DERL2: variants seen among roughly 807,000 people sequenced by gnomAD.
The protein encoded by DERL2 is derlin 2.
Under a neutral mutation model 32.0 loss-of-function variants are expected in DERL2, and 13 were observed. The observed-to-expected ratio is 0.41, with a 90% CI of 0.26 to 0.65. The LOEUF is 0.65. Ranked by LOEUF, DERL2 falls within the 30% of genes least tolerant of loss-of-function variation. The pLI, the probability that DERL2 is intolerant of heterozygous loss-of-function variation, is 0.35. For missense variants in DERL2, 208 were observed against 296.3 expected, an observed-to-expected ratio of 0.70 and a Z score of 2.19; for synonymous variants, 111 against 104.7, an observed-to-expected ratio of 1.06 and a Z score of -0.37.
chr17:5,479,496 TAAAAAAA>T (rs11306765), intron 6 of DERL2, among the ~76,000 whole-genome samples: 23 of 69,396 alleles, frequency 3.3e-4, no homozygotes, highest in Middle Eastern at 8.6e-3. Flanking sequence ...AGACTCCATG[TAAAAAAA>T]AAAAAAAAAA....
In DERL2 at chr17:5,474,105, CTGAG is replaced by C. The variant is rs1186041473; in HGVS notation, c.*575_*578del. The C allele has an allele frequency of 2.0e-5, 3 of 152,210 alleles. No homozygotes were observed. Among genetic ancestry groups the C allele is most frequent in the South Asian group, 4.1e-4 (2 of 4,836 alleles). 9.4% of individuals were successfully genotyped at this position (152,210 alleles called of 1,614,324 possible). On this transcript the variant is annotated 3_prime_UTR_variant, in exon 7 of 7. Transcript: ENST00000158771. This position sits in a 1 kb window ranked among gnomAD's most constrained non-coding sequence, Gnocchi z 4.3. ...TCATCTTCCTGCTGAATCTTGCATT[CTGAG>C]TTAGTAAGATGTACACAACCACAGC...
At chr17:5,477,249 C>T (rs1905454967) in intron 6 of DERL2, among the ~76,000 whole-genome samples, 1 of 152,034 alleles carries the variant, frequency 6.6e-6, no homozygotes, top group Admixed American at 6.6e-5. Flanking sequence ...AGCCTTATAC[C>T]AAAGAGTACA....
rs898441625 is a variant in DERL2 at position 5,471,648 on chromosome 17, G to A, written c.*3036C>T. 2 of 152,198 alleles carry A rather than the reference G, an allele frequency of 1.3e-5. No individual in the cohort carries two copies. The highest frequency in any genetic ancestry group is 2.4e-5 in the African/African-American group (1 of 41,454). The allele number at this position is 152,198 out of a possible 1,614,324, so 9.4% of individuals were successfully genotyped here. Reference sequence around the variant, plus strand: ...ATATAATGTAGGGGCTTACTAAGAAGTCACTGTGGATTTCTGAGCAGAGGA... The same window carrying A: ...ATATAATGTAGGGGCTTACTAAGAAATCACTGTGGATTTCTGAGCAGAGGA... On this transcript the variant is annotated 3_prime_UTR_variant, in exon 7 of 7. Coordinates refer to ENST00000158771, the MANE Select transcript of DERL2 (RefSeq NM_016041.5).
At chr17:5,484,028 A>G (rs562906936) in intron 2 of DERL2, among the ~76,000 whole-genome samples, 1 of 152,370 alleles carries the variant, frequency 6.6e-6, no homozygotes, top group African/African-American at 2.4e-5. Flanking sequence ...ACTGCAAAGT[A>G]AAAGTGAGAG....
At chr17:5,478,451 C>T (rs1286653266) in intron 6 of DERL2, among the ~76,000 whole-genome samples, 1 of 152,174 alleles carries the variant, frequency 6.6e-6, no homozygotes, top group Non-Finnish European at 1.5e-5. Context: ...CATCATCCTA[C>T]AACTATTCAA....
In DERL2 at chr17:5,486,163, T is replaced by C. The variant is rs1325923801; in HGVS notation, c.-2A>G. 1.2e-6 allele frequency: 2 copies of C among 1,600,226 alleles called. No homozygotes were observed. Among genetic ancestry groups the C allele is most frequent in the Non-Finnish European group, 1.7e-6 (2 of 1,173,650 alleles). Reference sequence around the variant, plus strand: ...CAGCCGCAAGCTCTGGTACGCCATCTTCCCCACCGTCGCCTGCCCCACCCC... The same window carrying C: ...CAGCCGCAAGCTCTGGTACGCCATCCTCCCCACCGTCGCCTGCCCCACCCC... On this transcript the variant is annotated 5_prime_UTR_variant, in exon 1 of 7. Coordinates refer to ENST00000158771, the MANE Select transcript of DERL2 (RefSeq NM_016041.5).
rs1419601094 is a variant in DERL2 at position 5,471,430 on chromosome 17, T to C, written c.*3254A>G. On this transcript the variant is annotated 3_prime_UTR_variant, in exon 7 of 7. Transcript: ENST00000158771. Reference sequence around the variant, plus strand: ...GCTAGGAACAGTACAAGACAATATATAATTTGGCGTTAAGAATGTCATACA... The same window carrying C: ...GCTAGGAACAGTACAAGACAATATACAATTTGGCGTTAAGAATGTCATACA... 1 of 152,198 alleles carries C rather than the reference T, an allele frequency of 6.6e-6. No individual in the cohort carries two copies. Among genetic ancestry groups the C allele is most frequent in the African/African-American group, 2.4e-5 (1 of 41,522 alleles). 9.4% of individuals were successfully genotyped at this position (152,198 alleles called of 1,614,324 possible).
chr17:5,485,623 G>C (rs1360925242), intron 1 of DERL2, among the ~76,000 whole-genome samples: 1 of 152,058 alleles, frequency 6.6e-6, no homozygotes, highest in Non-Finnish European at 1.5e-5. Flanking sequence ...GTTAGGGCTG[G>C]GTACCTCCAG....
At chr17:5,479,061 C>G (rs976686119) in intron 6 of DERL2, among the ~76,000 whole-genome samples, 7 of 152,110 alleles carry the variant, frequency 4.6e-5, no homozygotes, top group Admixed American at 2.6e-4. Flanking sequence ...TTCAAGTGAT[C>G]CGTCTGCCTT....
rs1254857102 is a variant in DERL2 at position 5,481,106 on chromosome 17, T to A, written c.327+190A>T. 1 of 627,322 alleles carries A rather than the reference T, an allele frequency of 1.6e-6. No individual in the cohort carries two copies. The highest frequency in any genetic ancestry group is 2.8e-5 in the East Asian group (1 of 35,826). 38.9% of individuals were successfully genotyped at this position (627,322 alleles called of 1,614,324 possible). A position where few individuals can be genotyped will look rare whatever the true frequency, so the allele number is the denominator to read the frequency against. On this transcript the variant is annotated intron_variant, in intron 4 of 6. Transcript: ENST00000158771. The surrounding 1 kb of genome is among the most constrained non-coding windows in gnomAD (Gnocchi z 4.4). ...GTTGCTTAACAGTAACCCACCTGGG[T>A]TAAAAGTTCCTTTGACTTGCTCATC...
At chr17:5,482,705 A>G (rs1805456) in intron 3 of DERL2, 104 bp downstream of exon 3, 85,280 of 672,710 alleles carry the variant, frequency 0.13, 7,042 homozygotes, top group African/African-American at 0.33. Context: ...CAGAAATCAT[A>G]GCTAAGATGG....
chr17:5,484,460 C>T (rs973870155), intron 2 of DERL2, among the ~76,000 whole-genome samples: 1 of 152,228 alleles, frequency 6.6e-6, no homozygotes, highest in African/African-American at 2.4e-5. Flanking sequence ...GTTGGCCAGG[C>T]TGGTCTTGAA....
At chr17:5,482,138 G>GA (rs1481060732) in intron 3 of DERL2, 2 of 152,190 alleles carry the variant, frequency 1.3e-5, no homozygotes, top group African/African-American at 2.4e-5. Context: ...ATTACGATGA[G>GA]AAAAAACTTT....
Position 5,471,443 on chromosome 17 carries a change from A to C in DERL2, c.*3241T>G, listed in dbSNP as rs765260987. Reference sequence around the variant, plus strand: ...CAAGACAATATATAATTTGGCGTTAAGAATGTCATACAGACTTGAAGCTTT... The same window carrying C: ...CAAGACAATATATAATTTGGCGTTACGAATGTCATACAGACTTGAAGCTTT... On this transcript the variant is annotated 3_prime_UTR_variant, in exon 7 of 7. Coordinates refer to ENST00000158771, the MANE Select transcript of DERL2 (RefSeq NM_016041.5). 3 of 152,236 alleles carry C rather than the reference A, an allele frequency of 2.0e-5. No individual in the cohort carries two copies. Among genetic ancestry groups the C allele is most frequent in the African/African-American group, 7.2e-5 (3 of 41,468 alleles). The allele number at this position is 152,236 out of a possible 1,614,324, so 9.4% of individuals were successfully genotyped here.
In DERL2 at chr17:5,473,395, CCTGT is replaced by C. The variant is rs1306507170; in HGVS notation, c.*1285_*1288del. On this transcript the variant is annotated 3_prime_UTR_variant, in exon 7 of 7. Coordinates refer to ENST00000158771, the MANE Select transcript of DERL2 (RefSeq NM_016041.5). ...GCATTAAGTGTCTACTTCTGTGGAC[CCTGT>C]CTAATTTCTACCTGATTGGGAAGGT... The C allele has an allele frequency of 2.6e-5, 4 of 152,074 alleles. No individual in the cohort carries two copies. Among genetic ancestry groups the C allele is most frequent in the African/African-American group, 7.2e-5 (3 of 41,462 alleles). 9.4% of individuals were successfully genotyped at this position (152,074 alleles called of 1,614,324 possible).
chr17:5,475,262 T>A (rs1045110704), intron 6 of DERL2, among the ~76,000 whole-genome samples: 14 of 151,244 alleles, frequency 9.3e-5, no homozygotes, highest in African/African-American at 2.9e-4. Context: ...AATAGAATTT[T>A]TTTTTTTTTT....
rs539685786 is a variant in DERL2 at position 5,481,852 on chromosome 17, G to A, written c.234-463C>T. Reference sequence around the variant, plus strand: ...TTTAGTAGAGAGCAGGTTTCACCATGTTGGCCAGGCTGGTCTCAAACTCCT... The same window carrying A: ...TTTAGTAGAGAGCAGGTTTCACCATATTGGCCAGGCTGGTCTCAAACTCCT... On this transcript the variant is annotated intron_variant, in intron 3 of 6. Transcript: ENST00000158771. The surrounding 1 kb of genome is among the most constrained non-coding windows in gnomAD (Gnocchi z 4.4). Among the ~76,000 whole-genome samples the A allele has an allele frequency of 6.6e-6, 1 of 152,230 alleles. No individual in the cohort carries two copies. Among genetic ancestry groups the A allele is most frequent in the East Asian group, 1.9e-4 (1 of 5,180 alleles).
chr17:5,486,153 G>A lies in DERL2; in HGVS notation c.9C>T (p.Tyr3=), dbSNP rs753217012. The A allele has an allele frequency of 3.7e-6, 6 of 1,608,460 alleles. No individual in the cohort carries two copies. The highest frequency in any genetic ancestry group is 1.7e-5 in the Admixed American group (1 of 59,690). MA[Y]QSLRLEYLQI... is the part of the protein sequence containing the mutation. ...GCAGGTACTCCAGCCGCAAGCTCTG[G>A]TACGCCATCTTCCCCACCGTCGCCT... Residue 3 remains tyrosine, a synonymous_variant, in exon 1 of 7, where the codon TAC becomes TAT. Coordinates refer to ENST00000158771, the MANE Select transcript of DERL2 (RefSeq NM_016041.5).
Position 5,474,628 on chromosome 17 carries a change from C to G in DERL2, c.*56G>C. On this transcript the variant is annotated 3_prime_UTR_variant, in exon 7 of 7. Coordinates refer to ENST00000158771, the MANE Select transcript of DERL2 (RefSeq NM_016041.5). The surrounding 1 kb of genome is among the most constrained non-coding windows in gnomAD (Gnocchi z 4.3). ...ACTTTTGCAACAAAGGATAAAAGAT[C>G]CCAGTGGGTATCACCGAGTCCTTCC... 1 of 1,352,266 alleles carries G rather than the reference C, an allele frequency of 7.4e-7. No individual in the cohort carries two copies. 83.8% of individuals were successfully genotyped at this position (1,352,266 alleles called of 1,614,324 possible).
Sources: gnomAD v4.1 joint callset for allele counts (sites outside exome capture counted in the v4.1 genomes callset) on GRCh38, gnomAD v4.1.1 for gene constraint, Gnocchi (gnomAD v3.1) non-coding constraint, MANE v1.5 for transcripts, NCBI Gene and HGNC (gene_info 2026-07-23, HGNC 2026-07-21) for gene names.